Variants in ITGA11 observed in about 807,000 individuals in gnomAD.
ITGA11 encodes the protein integrin alpha-11.
A neutral mutation model predicts 141.9 loss-of-function variants in ITGA11; 97 were observed. That is an observed-to-expected ratio of 0.68 (90% CI 0.58 to 0.81). The LOEUF (loss-of-function observed/expected upper bound fraction) is 0.81. ITGA11 is among the 30% of genes least tolerant of loss of function. ITGA11 has a pLI of 0.00. For missense variants in ITGA11, 1,387 were observed against 1,559.2 expected (o/e 0.89, Z 1.86); for synonymous variants, 658 against 624.6 (o/e 1.05, Z -0.80).
intron 1 of ITGA11, among the ~76,000 whole-genome samples, chr15:68,426,128 T>C (rs979644440): frequency 6.6e-6 from 1 of 152,222 alleles, no homozygotes; most frequent in African/African-American, 2.4e-5. Context: ...GCCTCACCTA[T>C]TTCATCTGCT....
chr15:68,318,515 AGTG>A (rs1893673850), intron 20 of ITGA11, among the ~76,000 whole-genome samples: 2 of 152,110 alleles, frequency 1.3e-5, no homozygotes, highest in Admixed American at 1.3e-4. Context: ...CACTCTGGGC[AGTG>A]GAGAGGGAGT....
rs1477625458 is a variant in ITGA11 at position 68,332,453 on chromosome 15, AT to A, written c.1450del (p.Ile484SerfsTer11). ...QQIGSYFGSE[I>X]TSVDIDGDGV... ...GTCGCCGTCGATGTCCACCGAGGTGATTTCACTCCCAAAGTAAGAGCCTATC... is the reference window on the plus strand; with the variant it reads ...GTCGCCGTCGATGTCCACCGAGGTGATTCACTCCCAAAGTAAGAGCCTATC... On this transcript the variant is annotated frameshift_variant, in exon 13 of 30. Coordinates refer to ENST00000315757, the MANE Select transcript of ITGA11 (RefSeq NM_001004439.2). LOFTEE classifies it high-confidence loss of function. 1 of 1,612,330 alleles carries A rather than the reference AT, an allele frequency of 6.2e-7. No homozygotes were observed.
chr15:68,357,663 C>T (rs193210156), intron 6 of ITGA11, among the ~76,000 whole-genome samples: 2 of 152,232 alleles, frequency 1.3e-5, no homozygotes, highest in Admixed American at 1.3e-4. Context: ...TACCAAACTC[C>T]AAAACTGAGG....
At chr15:68,378,334 G>T (rs74493012) in intron 2 of ITGA11, among the ~76,000 whole-genome samples, 2 of 152,080 alleles carry the variant, frequency 1.3e-5, no homozygotes, top group East Asian at 3.9e-4. Flanking sequence ...ACTGATAGAC[G>T]TTCAGGTGCT....
intron 1 of ITGA11, among the ~76,000 whole-genome samples, chr15:68,425,901 C>T (rs545244436): frequency 6.6e-6 from 1 of 152,324 alleles, no homozygotes; most frequent in African/African-American, 2.4e-5. Flanking sequence ...GTTTGGAAGC[C>T]CGGAGTGCAT....
intron 20 of ITGA11, among the ~76,000 whole-genome samples, chr15:68,319,852 C>A (rs79921170): frequency 0.057 from 8,682 of 152,246 alleles, 345 homozygotes; most frequent in Non-Finnish European, 0.085. Context: ...AAAAGCCTCC[C>A]GATGCCAGGC....
chr15:68,405,791 T>C (rs1896638931), intron 1 of ITGA11, among the ~76,000 whole-genome samples: 1 of 151,930 alleles, frequency 6.6e-6, no homozygotes, highest in Non-Finnish European at 1.5e-5. Flanking sequence ...ATAGGGGGGT[T>C]ACTGAAGGAG....
intron 10 of ITGA11, among the ~76,000 whole-genome samples, chr15:68,348,152 C>G (rs1473706089): frequency 1.3e-5 from 2 of 152,228 alleles, no homozygotes; most frequent in African/African-American, 4.8e-5. Context: ...GAACCAGCAC[C>G]AGGTGAAGCA....
intron 2 of ITGA11, among the ~76,000 whole-genome samples, chr15:68,372,121 T>G (rs898459247): frequency 6.6e-6 from 1 of 152,184 alleles, no homozygotes; most frequent in Non-Finnish European, 1.5e-5. Context: ...TCCTCTGCAT[T>G]GCCCCAAATG....
chr15:68,362,805 GC>G (rs1216781505), intron 4 of ITGA11, among the ~76,000 whole-genome samples: 16 of 152,102 alleles, frequency 1.1e-4, no homozygotes, highest in African/African-American at 3.4e-4. Context: ...ATGAATGATG[GC>G]TGGATAGATG....
intron 3 of ITGA11, among the ~76,000 whole-genome samples, chr15:68,365,676 G>A (rs1895397539): frequency 1.3e-5 from 2 of 149,632 alleles, no homozygotes; most frequent in Non-Finnish European, 3.0e-5. Flanking sequence ...GCCTGGGGAA[G>A]GAGTAATTTC....
In ITGA11 at chr15:68,328,397, G is replaced by A. The variant is rs555753817; in HGVS notation, c.1902-135C>T. On this transcript the variant is annotated intron_variant, in intron 15 of 29. Transcript: ENST00000315757. The surrounding 1 kb of genome is among the most constrained non-coding windows in gnomAD (Gnocchi z 4.8). ...GAGGGGGTGAGGTGGAGGATGGAGG[G>A]GGCGAGGTGGAGGATGGAGGGGGCT... is the stretch of plus-strand genomic sequence containing the variant. 422 of 574,400 alleles carry A rather than the reference G, an allele frequency of 7.3e-4. 8 individuals are homozygous for A. The highest frequency in any genetic ancestry group is 6.2e-3 in the South Asian group (323 of 52,514). 35.6% of individuals were successfully genotyped at this position (574,400 alleles called of 1,614,324 possible). A position where few individuals can be genotyped will look rare whatever the true frequency, so the allele number is the denominator to read the frequency against.
intron 9 of ITGA11, among the ~76,000 whole-genome samples, chr15:68,349,735 T>C (rs1193240617): frequency 6.6e-6 from 1 of 152,110 alleles, no homozygotes; most frequent in Non-Finnish European, 1.5e-5. Context: ...GAAATGAAAT[T>C]TATGCAAATC....
intron 2 of ITGA11, among the ~76,000 whole-genome samples, chr15:68,377,484 C>T (rs1595884032): frequency 2.6e-5 from 4 of 152,090 alleles, no homozygotes; most frequent in Admixed American, 2.6e-4. Flanking sequence ...TTTGGCCAGG[C>T]TGGTCTCAAA....
intron 2 of ITGA11, among the ~76,000 whole-genome samples, chr15:68,397,911 T>C: frequency 6.7e-6 from 1 of 149,212 alleles, no homozygotes; most frequent in Non-Finnish European, 1.5e-5. Context: ...CTAAGCTTCA[T>C]AAGCGAAGGA....
chr15:68,321,819 G>T lies in ITGA11; in HGVS notation c.2323-316C>A, dbSNP rs566738161. Among the ~76,000 whole-genome samples, 8 of 152,324 alleles carry T rather than the reference G, an allele frequency of 5.3e-5. No individual in the cohort carries two copies. The South Asian group carries it at 1.7e-3, about 32-fold the overall frequency. On this transcript the variant is annotated intron_variant, in intron 18 of 29. Coordinates refer to ENST00000315757, the MANE Select transcript of ITGA11 (RefSeq NM_001004439.2). The surrounding 1 kb of genome is among the most constrained non-coding windows in gnomAD (Gnocchi z 4.9). ...TCTACTGTGTGTGGGCAAGGGCTTT[G>T]GTACTGGGGATACAAAACAAGAAAG...
Position 68,321,443 on chromosome 15 carries a change from C to A in ITGA11, c.2383G>T (p.Ala795Ser). The change falls in exon 19 of 30, where the codon GCC becomes TCC. Residue 795 changes from alanine to serine, a missense_variant. Physicochemically the swap from Ala to Ser is moderately conservative, Grantham distance 99 (BLOSUM62 1). Coordinates refer to ENST00000315757, the MANE Select transcript of ITGA11 (RefSeq NM_001004439.2). The surrounding 1 kb of genome is among the most constrained non-coding windows in gnomAD (Gnocchi z 4.9). ...EHCVPDLVLD[A>S]RSDLPTAMEY... The stretch of plus-strand genomic sequence containing the variant: ...ATGGCCGTGGGCAGGTCACTCCGGG[C>A]ATCCAACACAAGGTCAGGGACACAG... The A allele has an allele frequency of 1.3e-6, 2 of 1,591,448 alleles. No individual in the cohort carries two copies. Among genetic ancestry groups the A allele is most frequent in the Non-Finnish European group, 1.7e-6 (2 of 1,168,726 alleles).
At chr15:68,327,444 C>T (rs1894015781) in intron 16 of ITGA11, among the ~76,000 whole-genome samples, 1 of 152,254 alleles carries the variant, frequency 6.6e-6, no homozygotes, top group African/African-American at 2.4e-5. Context: ...CCCCCAGGCC[C>T]ACCTTTGTCC....
chr15:68,405,046 C>T lies in ITGA11; in HGVS notation c.53-2017G>A, dbSNP rs374299761. Among the ~76,000 whole-genome samples, 46 of 152,248 alleles carry T rather than the reference C, an allele frequency of 3.0e-4. No homozygotes were observed. In the South Asian group the frequency reaches 9.1e-3, roughly 30 times the overall value. On this transcript the variant is annotated intron_variant, in intron 1 of 29. Coordinates refer to ENST00000315757, the MANE Select transcript of ITGA11 (RefSeq NM_001004439.2). ...CTTGGACCCGCACACGAGTGCGCCA[C>T]TCTCCTTCCCCTGGGCACTGACCCC...
Sources: gnomAD v4.1 joint callset for allele counts (sites outside exome capture counted in the v4.1 genomes callset) on GRCh38, gnomAD v4.1.1 for gene constraint, Gnocchi (gnomAD v3.1) non-coding constraint, MANE v1.5 for transcripts, NCBI Gene and HGNC (gene_info 2026-07-23, HGNC 2026-07-21) for gene names.